The following SGCD variants were observed in gnomAD, a reference collection of about 807,000 sequenced individuals.
SGCD encodes the protein delta-sarcoglycan.
Under a neutral mutation model 36.6 loss-of-function variants are expected in SGCD, and 18 were observed. The observed-to-expected ratio is 0.49, with a 90% CI of 0.34 to 0.73. SGCD has a LOEUF of 0.73. Ranked by LOEUF, SGCD falls within the 30% of genes least tolerant of loss-of-function variation. The pLI is 0.01. For missense variants in SGCD, 387 were observed against 346.7 expected (o/e 1.12, Z -0.92); for synonymous variants, 133 against 130.6 (o/e 1.02, Z -0.12).
At chr5:156,343,131 G>A (rs1447587409) in intron 2 of SGCD, among the ~76,000 whole-genome samples, 1 of 151,618 alleles carries the variant, frequency 6.6e-6, no homozygotes, top group Admixed American at 6.6e-5. Flanking sequence ...AAATCATATT[G>A]TGAACCATCT....
intron 3 of SGCD, among the ~76,000 whole-genome samples, chr5:156,372,483 G>A (rs1770437915): frequency 6.6e-6 from 1 of 152,136 alleles, no homozygotes; most frequent in Non-Finnish European, 1.5e-5. Context: ...CCAAGAAGTA[G>A]TCTTCATTTG....
intron 1 of SGCD, among the ~76,000 whole-genome samples, chr5:155,955,401 C>T (rs1354328304): frequency 6.6e-6 from 1 of 152,074 alleles, no homozygotes; most frequent in Admixed American, 6.5e-5. Flanking sequence ...TATTCTGGAA[C>T]TAGGGTTGGC....
intron 3 of SGCD, among the ~76,000 whole-genome samples, chr5:156,280,698 T>C (rs1766431658): frequency 6.6e-6 from 1 of 152,142 alleles, no homozygotes; most frequent in Admixed American, 6.6e-5. Flanking sequence ...TAAAAATCAA[T>C]CATAGATACA....
chr5:156,277,396 T>C (rs568472080), intron 3 of SGCD, among the ~76,000 whole-genome samples: 1 of 152,290 alleles, frequency 6.6e-6, no homozygotes, highest in South Asian at 2.1e-4. Flanking sequence ...TTGCCGATGG[T>C]TAGTAGCTAA....
chr5:156,093,964 C>T (rs962320662), intron 1 of SGCD, among the ~76,000 whole-genome samples: 10 of 152,258 alleles, frequency 6.6e-5, no homozygotes, highest in Admixed American at 6.5e-5. Context: ...AAGCCACCCA[C>T]GGATATTTGC....
intron 3 of SGCD, among the ~76,000 whole-genome samples, chr5:156,488,683 A>T (rs1755811068): frequency 6.6e-6 from 1 of 152,192 alleles, no homozygotes; most frequent in Non-Finnish European, 1.5e-5. Context: ...CCAGAACATG[A>T]TATCTACCAT....
intron 3 of SGCD, among the ~76,000 whole-genome samples, chr5:156,350,745 A>G (rs539755285): frequency 1.3e-5 from 2 of 152,264 alleles, no homozygotes; most frequent in African/African-American, 4.8e-5. Context: ...TTTATCACAC[A>G]TTGTGCTTAT....
chr5:156,216,781 A>G (rs1304528146), intron 3 of SGCD, among the ~76,000 whole-genome samples: 16 of 152,236 alleles, frequency 1.1e-4, no homozygotes, highest in Non-Finnish European at 4.4e-5. Flanking sequence ...TAAAATGAGT[A>G]TAAGAAAATG....
the SGCD span, among the ~76,000 whole-genome samples, chr5:155,765,679 T>A: frequency 6.6e-6 from 1 of 151,962 alleles, no homozygotes; most frequent in Admixed American, 6.6e-5. Context: ...CAAAAATCAA[T>A]TGGATAATCG....
chr5:156,434,279 T>C lies in SGCD; in HGVS notation c.193-74322T>C, dbSNP rs370129636. On this transcript the variant is annotated intron_variant, in intron 3 of 8. Transcript: ENST00000337851. ...GAAAGCAGTATGTTCCATAAACTGA[T>C]TGGAGTAAGGCAAAACTAAGATACA... 3.0e-4 allele frequency among the ~76,000 whole-genome samples: 46 copies of C among 152,308 alleles called. No homozygotes were observed. In the South Asian group the frequency reaches 5.4e-3, roughly 18 times the overall value.
At chr5:155,823,522 A>G in the SGCD span, among the ~76,000 whole-genome samples, 1 of 152,168 alleles carries the variant, frequency 6.6e-6, no homozygotes, top group African/African-American at 2.4e-5. Flanking sequence ...CCCATGACCC[A>G]GACAAATGGA....
At chr5:156,719,441 A>G (rs282475) in intron 7 of SGCD, among the ~76,000 whole-genome samples, 122,241 of 151,938 alleles carry the variant, frequency 0.8, 49,232 homozygotes, top group Middle Eastern at 0.85. Context: ...ATAATGTTTG[A>G]CCAAATATCT....
chr5:156,134,689 C>T (rs1762412831), intron 3 of SGCD, among the ~76,000 whole-genome samples: 2 of 114,030 alleles, frequency 1.8e-5, no homozygotes, highest in Admixed American at 1.1e-4. Flanking sequence ...CACACTGGGC[C>T]TGTCGTGGGG....
chr5:156,560,169 G>T (rs1759211232), intron 4 of SGCD, among the ~76,000 whole-genome samples: 1 of 152,086 alleles, frequency 6.6e-6, no homozygotes, highest in African/African-American at 2.4e-5. Flanking sequence ...AACAATTAAA[G>T]AATTTGGCAA....
intron 3 of SGCD, among the ~76,000 whole-genome samples, chr5:156,129,624 C>T (rs764589636): frequency 6.6e-6 from 1 of 152,130 alleles, no homozygotes; most frequent in African/African-American, 2.4e-5. Context: ...TTTTTTTCTG[C>T]TCCTCTCCCT....
intron 7 of SGCD, among the ~76,000 whole-genome samples, chr5:156,716,579 A>C (rs1755231105): frequency 6.6e-6 from 1 of 152,238 alleles, no homozygotes; most frequent in Non-Finnish European, 1.5e-5. Context: ...TATACAAAGC[A>C]GTCAGCATAG....
At chr5:155,837,833 G>T in the SGCD span, among the ~76,000 whole-genome samples, 2 of 152,198 alleles carry the variant, frequency 1.3e-5, no homozygotes, top group African/African-American at 4.8e-5. Flanking sequence ...TCCTGTGGGG[G>T]TGTTGAAACT....
rs1772531288 is a variant in SGCD, at chr5:156,408,279, C to T, written c.192+63602C>T. Among the ~76,000 whole-genome samples, 5 of 151,824 alleles carry T rather than the reference C, an allele frequency of 3.3e-5. No individual in the cohort carries two copies. The South Asian group carries it at 1.0e-3, about 32-fold the overall frequency. On this transcript the variant is annotated intron_variant, in intron 3 of 8. Coordinates refer to ENST00000337851, the MANE Select transcript of SGCD (RefSeq NM_000337.6). ...CCACATTGCACTCCTTGGACATGTG[C>T]GTACAGGATGTGTAGTAGATACAAC...
intron 3 of SGCD, among the ~76,000 whole-genome samples, chr5:156,423,222 A>T (rs1192826929): frequency 6.2e-4 from 2 of 3,208 alleles, no homozygotes; most frequent in South Asian, 0.048. Flanking sequence ...ATATAATATA[A>T]TATATTGTAT....
Sources: allele counts gnomAD v4.1 joint callset (sites outside exome capture counted in the v4.1 genomes callset), GRCh38; gene constraint gnomAD v4.1.1; transcripts MANE v1.5; gene names NCBI Gene and HGNC (gene_info 2026-07-23, HGNC 2026-07-21).